The following SH3GL3 variants were observed in gnomAD, a reference collection of about 807,000 sequenced individuals.
The protein encoded by SH3GL3 is endophilin-A3.
SH3GL3 carries 33 observed loss-of-function variants against 47.7 expected under a neutral mutation model. The ratio of observed to expected loss-of-function variants is 0.69; its 90% CI spans 0.52 to 0.92. SH3GL3 has a LOEUF of 0.92. SH3GL3 is among the 40% of genes least tolerant of loss of function. SH3GL3 has a pLI of 0.00. For missense variants in SH3GL3, 363 were observed against 417.8 expected (o/e 0.87, Z 1.14); for synonymous variants, 155 against 148.8 (o/e 1.04, Z -0.30).
rs1243944514 is a variant in SH3GL3, at chr15:83,448,183, C to T, written c.45+605C>T. 1.3e-5 allele frequency among the ~76,000 whole-genome samples: 2 copies of T among 152,184 alleles called. No individual in the cohort carries two copies. Among genetic ancestry groups the T allele is most frequent in the East Asian group, 1.9e-4 (1 of 5,184 alleles). On this transcript the variant is annotated intron_variant, in intron 1 of 8. Transcript: ENST00000427482. The surrounding 1 kb of genome is among the most constrained non-coding windows in gnomAD (Gnocchi z 4.2). ...GGTGTCGGCCCGGGGCTGGGCATCA[C>T]GCTTCTGCTCTTACAGAGCTGACAG...
intron 8 of SH3GL3, among the ~76,000 whole-genome samples, chr15:83,613,500 G>A (rs2060725471): frequency 6.6e-6 from 1 of 152,216 alleles, no homozygotes; most frequent in African/African-American, 2.4e-5. Context: ...GTTTACACAT[G>A]GAGGTGGTGG....
chr15:83,469,188 C>G (rs569911782), intron 1 of SH3GL3, among the ~76,000 whole-genome samples: 2 of 152,092 alleles, frequency 1.3e-5, no homozygotes, highest in African/African-American at 4.8e-5. Flanking sequence ...ATCTTTCATT[C>G]CTGATAATGG....
intron 1 of SH3GL3, among the ~76,000 whole-genome samples, chr15:83,520,348 T>C (rs2043154622): frequency 1.3e-5 from 2 of 152,054 alleles, no homozygotes; most frequent in Non-Finnish European, 2.9e-5. Context: ...AAAAGCAGAG[T>C]GTCTGCCTTC....
chr15:83,549,886 T>C (rs1403471992), intron 1 of SH3GL3, among the ~76,000 whole-genome samples: 1 of 152,152 alleles, frequency 6.6e-6, no homozygotes, highest in Non-Finnish European at 1.5e-5. Flanking sequence ...AGACAGAACA[T>C]TTCCTAAAGA....
intron 8 of SH3GL3, among the ~76,000 whole-genome samples, chr15:83,614,562 G>A (rs1248506068): frequency 6.6e-6 from 1 of 151,996 alleles, no homozygotes; most frequent in Non-Finnish European, 1.5e-5. Context: ...TTTCACTGGT[G>A]GTTGTCAACC....
chr15:83,560,170 G>T (rs1390533143), intron 2 of SH3GL3, among the ~76,000 whole-genome samples: 1 of 152,156 alleles, frequency 6.6e-6, no homozygotes, highest in African/African-American at 2.4e-5. Context: ...CCACCCTCAG[G>T]TGTAACATCA....
chr15:83,544,527 T>C (rs1596225052), intron 1 of SH3GL3, among the ~76,000 whole-genome samples: 1 of 152,158 alleles, frequency 6.6e-6, no homozygotes, highest in African/African-American at 2.4e-5. Context: ...ATGAGTAGTT[T>C]ACACACCACA....
In SH3GL3 at chr15:83,608,581, G is replaced by A. The variant is rs560834663; in HGVS notation, c.839-9501G>A. ...AAACTTTTGAAGGGAGTTTAAACCA[G>A]ATATGCTTGTTTGAACTCAGAGGAG... On this transcript the variant is annotated intron_variant, in intron 8 of 8. Transcript: ENST00000427482. Among the ~76,000 whole-genome samples the A allele has an allele frequency of 3.9e-5, 6 of 152,296 alleles. No homozygotes were observed. The South Asian group carries it at 1.2e-3, about 32-fold the overall frequency.
intron 1 of SH3GL3, among the ~76,000 whole-genome samples, chr15:83,530,981 A>C (rs2151676058): frequency 6.6e-6 from 1 of 152,312 alleles, no homozygotes; most frequent in Admixed American, 6.5e-5. Context: ...ACCCAAGCAA[A>C]ACAATATTAT....
chr15:83,510,300 C>A (rs1647776594), intron 1 of SH3GL3, among the ~76,000 whole-genome samples: 1 of 152,052 alleles, frequency 6.6e-6, no homozygotes, highest in South Asian at 2.1e-4. Context: ...CGTCTTTGTT[C>A]ATGGAAGAGA....
intron 1 of SH3GL3, among the ~76,000 whole-genome samples, chr15:83,556,423 G>A (rs2040272643): frequency 6.6e-6 from 1 of 152,222 alleles, no homozygotes; most frequent in Non-Finnish European, 1.5e-5. Context: ...GATCCCATAT[G>A]TTGTCTTTTC....
intron 6 of SH3GL3, 142 bp from the exon 7 acceptor site, chr15:83,586,841 C>T (rs919864139): frequency 2.0e-6 from 1 of 488,990 alleles, no homozygotes. Flanking sequence ...TTATACAGAG[C>T]TCCTACATGA....
In SH3GL3 at chr15:83,589,840, G is replaced by A. The variant is rs184641450; in HGVS notation, c.838+1069G>A. Among the ~76,000 whole-genome samples the A allele has an allele frequency of 5.9e-3, 899 of 152,162 alleles. 9 individuals carry two copies. Among genetic ancestry groups the A allele is most frequent in the Middle Eastern group, 0.041 (12 of 292 alleles). Reference sequence around the variant, plus strand: ...TTTCTATTATACCATTTCCCTATTGGTGGACGTTAAGGTTTTTTCCAGTTA... The same window carrying A: ...TTTCTATTATACCATTTCCCTATTGATGGACGTTAAGGTTTTTTCCAGTTA... On this transcript the variant is annotated intron_variant, in intron 8 of 8. Transcript: ENST00000427482.
chr15:83,539,107 GATTATA>G (rs1450968981), intron 1 of SH3GL3, among the ~76,000 whole-genome samples: 2 of 152,124 alleles, frequency 1.3e-5, no homozygotes, highest in Non-Finnish European at 2.9e-5. Context: ...GTATTTCCAC[GATTATA>G]ATTAGGTGAA....
At chr15:83,540,318 A>T (rs1323125931) in intron 1 of SH3GL3, among the ~76,000 whole-genome samples, 1 of 152,176 alleles carries the variant, frequency 6.6e-6, no homozygotes, top group African/African-American at 2.4e-5. Flanking sequence ...GGTTCAAGTC[A>T]TGTTAATCTA....
chr15:83,611,040 A>G lies in SH3GL3; in HGVS notation c.839-7042A>G, dbSNP rs2060649059. 2.7e-5 allele frequency among the ~76,000 whole-genome samples: 4 copies of G among 149,898 alleles called. No homozygotes were observed. In the Admixed American group the frequency reaches 2.7e-4, roughly 10 times the overall value. On this transcript the variant is annotated intron_variant, in intron 8 of 8. Coordinates refer to ENST00000427482, the MANE Select transcript of SH3GL3 (RefSeq NM_003027.5). ...TGTATAAATGTATGTGTGTGTGTCT[A>G]TATATATATATAGAGACAAAATAAG... is the stretch of plus-strand genomic sequence containing the variant.
At chr15:83,589,692 A>T (rs187682820) in intron 8 of SH3GL3, among the ~76,000 whole-genome samples, 165 of 152,262 alleles carry the variant, frequency 1.1e-3, no homozygotes, top group South Asian at 2.1e-3. Flanking sequence ...TCTGTTTTTT[A>T]AATGCGAGAT....
intron 1 of SH3GL3, among the ~76,000 whole-genome samples, chr15:83,459,470 G>C (rs976515538): frequency 6.6e-6 from 1 of 152,128 alleles, no homozygotes; most frequent in African/African-American, 2.4e-5. Context: ...TGTATAATTG[G>C]GTTGGCTGGG....
intron 1 of SH3GL3, among the ~76,000 whole-genome samples, chr15:83,508,945 G>C (rs1041335600): frequency 6.6e-6 from 1 of 152,156 alleles, no homozygotes; most frequent in Non-Finnish European, 1.5e-5. Context: ...TTTTAGAGGG[G>C]CCGGGGTAGA....
Sources: allele counts gnomAD v4.1 joint callset (sites outside exome capture counted in the v4.1 genomes callset), GRCh38; gene constraint gnomAD v4.1.1; non-coding constraint Gnocchi (gnomAD v3.1); transcripts MANE v1.5; gene names NCBI Gene and HGNC (gene_info 2026-07-23, HGNC 2026-07-21).